The following TRPM2 variants were observed in gnomAD, a reference collection of about 807,000 sequenced individuals.
TRPM2 encodes the protein estrogen-responsive element-associated gene 1 protein.
Under a neutral mutation model 174.0 loss-of-function variants are expected in TRPM2, and 161 were observed. That is an observed-to-expected ratio of 0.93 (90% CI 0.81 to 1.05). The LOEUF (loss-of-function observed/expected upper bound fraction) is 1.05. Among genes scored for constraint, TRPM2 ranks in the 50% least tolerant of loss-of-function variants. The probability of loss-of-function intolerance (pLI) is 0.00; values close to 1 mark genes in which losing one functional copy is unlikely to be tolerated. For missense variants in TRPM2, 2,057 were observed against 2,038.0 expected (o/e 1.01, Z -0.18); for synonymous variants, 954 against 861.3 (o/e 1.11, Z -1.88).
intron 19 of TRPM2, among the ~76,000 whole-genome samples, chr21:44,407,007 G>T (rs2049912178): frequency 1.3e-5 from 2 of 150,260 alleles, no homozygotes; most frequent in African/African-American, 4.9e-5. Flanking sequence ...GCAGAGGTCA[G>T]AGTGGGCCGA....
intron 22 of TRPM2, among the ~76,000 whole-genome samples, chr21:44,421,008 GT>G (rs1419339754): frequency 2.6e-5 from 4 of 152,288 alleles, no homozygotes; most frequent in Admixed American, 2.6e-4. Flanking sequence ...CCTTAAGGGA[GT>G]GGGCTGGACC....
At position 44,386,306 on chromosome 21, in the gene TRPM2, G is replaced by A. The variant is rs143166057; in HGVS notation, c.1318+3486G>A. 8.2e-3 allele frequency among the ~76,000 whole-genome samples: 1,241 copies of A among 152,264 alleles called. 21 individuals are homozygous for A. The highest frequency in any genetic ancestry group is 0.028 in the African/African-American group (1,177 of 41,536). On this transcript the variant is annotated intron_variant, in intron 9 of 31. Coordinates refer to ENST00000397928, the MANE Select transcript of TRPM2 (RefSeq NM_003307.4). ...GCCTGTAGTCCCAGCTACTTGGGAGGCTGAGGCAGGAGAATGGTGTGAACC... is the reference window on the plus strand; with the variant it reads ...GCCTGTAGTCCCAGCTACTTGGGAGACTGAGGCAGGAGAATGGTGTGAACC...
At chr21:44,379,891 G>A (rs979707294) in intron 8 of TRPM2, among the ~76,000 whole-genome samples, 18 of 152,230 alleles carry the variant, frequency 1.2e-4, no homozygotes, top group Non-Finnish European at 2.4e-4. Flanking sequence ...CAGTTTCCCA[G>A]CAAGCCAGGG....
In TRPM2 at chr21:44,439,114, C is replaced by T; in HGVS notation, c.4215C>T (p.Ile1405=). ...TGCTACCTCGGAAGCTGAAGCGGAT[C>T]CTCCGGCAGGAGCACTGGCCGTCTT... ...GEMLPRKLKR[I]LRQEHWPSFE... is the part of the protein sequence containing the mutation. The change falls in exon 30 of 32, where the codon ATC becomes ATT. Residue 1405 remains isoleucine (I), a synonymous_variant. Coordinates refer to ENST00000397928, the MANE Select transcript of TRPM2 (RefSeq NM_003307.4). This position sits in a 1 kb window ranked among gnomAD's most constrained non-coding sequence, Gnocchi z 5.1. 1 of 1,613,810 alleles carries T rather than the reference C, an allele frequency of 6.2e-7. No individual in the cohort carries two copies. Among genetic ancestry groups the T allele is most frequent in the Non-Finnish European group, 8.5e-7 (1 of 1,179,900 alleles).
chr21:44,440,614 G>T (rs1417710317), intron 30 of TRPM2, among the ~76,000 whole-genome samples, 175 bp from the exon 31 acceptor site: 1 of 152,248 alleles, frequency 6.6e-6, no homozygotes, highest in Non-Finnish European at 1.5e-5. Context: ...CCCGCATTGG[G>T]CTGCTCCGCC....
Position 44,397,740 on chromosome 21 carries a change from TC to T in TRPM2, c.1933-3del. On this transcript the variant is annotated splice_polypyrimidine_tract_variant and splice_region_variant and intron_variant, in intron 12 of 31. Coordinates refer to ENST00000397928, the MANE Select transcript of TRPM2 (RefSeq NM_003307.4). Reference sequence around the variant, plus strand: ...TTTAGTCTCACGGTGGCTCCTCTGGTCCCCAGAGCCAGGACTGCATCGCAGC... The same window carrying T: ...TTTAGTCTCACGGTGGCTCCTCTGGTCCCAGAGCCAGGACTGCATCGCAGC... 1.3e-6 allele frequency: 2 copies of T among 1,565,282 alleles called. No homozygotes were observed. The highest frequency in any genetic ancestry group is 8.7e-7 in the Non-Finnish European group (1 of 1,153,804).
chr21:44,400,156 A>G, intron 14 of TRPM2, 103 bp from the exon 15 acceptor site: 1 of 909,932 alleles, frequency 1.1e-6, no homozygotes, highest in Non-Finnish European at 1.7e-6. Flanking sequence ...ACTGCAGGCT[A>G]GCTCTGTCCA....
rs371597846 is a variant in TRPM2, at chr21:44,391,453, T to C, written c.1622T>C (p.Val541Ala). 1.2e-5 allele frequency: 19 copies of C among 1,613,498 alleles called. No individual in the cohort carries two copies. The African/African-American group carries it at 2.3e-4, about 19-fold the overall frequency. Reference protein sequence around the residue: ...LFHSKLQKVLVEDPERPACAP... With the variant: ...LFHSKLQKVLAEDPERPACAP... ...CACAGCAAGCTGCAGAAGGTGCTGG[T>C]GGAGGATCCCGAGCGCCCGGCTTGC... Residue 541 changes from valine to alanine, a missense_variant, in exon 11 of 32, where the codon GTG becomes GCG. Coordinates refer to ENST00000397928, the MANE Select transcript of TRPM2 (RefSeq NM_003307.4). The surrounding 1 kb of genome is among the most constrained non-coding windows in gnomAD (Gnocchi z 5.0).
At chr21:44,360,930 A>G (rs1329445176) in intron 2 of TRPM2, among the ~76,000 whole-genome samples, 1 of 151,694 alleles carries the variant, frequency 6.6e-6, no homozygotes, top group Non-Finnish European at 1.5e-5. Context: ...AGCACTGTCC[A>G]TCTCCACCGA....
chr21:44,426,551 A>C, intron 25 of TRPM2, 109 bp from the exon 26 acceptor site: 1 of 1,102,526 alleles, frequency 9.1e-7, no homozygotes, highest in Non-Finnish European at 1.4e-6. Context: ...GCATGTTGGG[A>C]TGTTGGGGTC....
chr21:44,352,688 G>T (rs2047947019), upstream of TRPM2, among the ~76,000 whole-genome samples: 1 of 152,200 alleles, frequency 6.6e-6, no homozygotes, highest in African/African-American at 2.4e-5. Flanking sequence ...GGCCCCGCAG[G>T]GCTTGAACAT....
chr21:44,428,690 G>A (rs1275459195), intron 27 of TRPM2, among the ~76,000 whole-genome samples: 2 of 25,458 alleles, frequency 7.9e-5, no homozygotes, highest in Non-Finnish European at 2.7e-4. Context: ...TCCCTGAGGT[G>A]TGGCTCCTCC....
intron 15 of TRPM2, 65 bp downstream of exon 15, chr21:44,400,436 G>T: frequency 7.2e-7 from 1 of 1,398,346 alleles, no homozygotes; most frequent in Non-Finnish European, 9.9e-7. Flanking sequence ...GCTCCTGGGG[G>T]CTCAGGATCT....
In TRPM2 at chr21:44,391,417, C is replaced by A; in HGVS notation, c.1586C>A (p.Ser529Tyr). 1 of 1,614,096 alleles carries A rather than the reference C, an allele frequency of 6.2e-7. No individual in the cohort carries two copies. The highest frequency in any genetic ancestry group is 8.5e-7 in the Non-Finnish European group (1 of 1,180,058). Residue 529 changes from serine (S) to tyrosine (Y), a missense_variant, in exon 11 of 32, where the codon TCC (serine) becomes TAC (tyrosine). Transcript: ENST00000397928. The surrounding 1 kb of genome is among the most constrained non-coding windows in gnomAD (Gnocchi z 5.0). ...TACCTGTACGAGAACCTGGACCCCT[C>A]CTGCCTGTTCCACAGCAAGCTGCAG... is the stretch of plus-strand genomic sequence containing the variant. ...LLYLYENLDP[S>Y]CLFHSKLQKV... is the part of the protein sequence containing the mutation.
At chr21:44,362,741 A>C (rs948372255) in intron 2 of TRPM2, among the ~76,000 whole-genome samples, 1 of 151,896 alleles carries the variant, frequency 6.6e-6, no homozygotes, top group Non-Finnish European at 1.5e-5. Flanking sequence ...CCTTCCTTCA[A>C]TTAAGAAGGT....
chr21:44,397,849 G>A lies in TRPM2; in HGVS notation c.2035G>A (p.Ala679Thr), dbSNP rs562278605. 6.2e-7 allele frequency: 1 copy of A among 1,607,658 alleles called. No individual in the cohort carries two copies. Among genetic ancestry groups the A allele is most frequent in the South Asian group, 1.1e-5 (1 of 89,754 alleles). The change falls in exon 13 of 32, where the codon GCG (alanine) becomes ACG (threonine). Residue 679 changes from alanine (A) to threonine (T), a missense_variant. By Grantham distance (58) the Ala-to-Thr change is moderately conservative. Coordinates refer to ENST00000397928, the MANE Select transcript of TRPM2 (RefSeq NM_003307.4). ...TDSSEEMLALAEEYEHRAIGV... is the reference protein window; with the variant it reads ...TDSSEEMLALTEEYEHRAIGV... The stretch of plus-strand genomic sequence containing the variant: ...CAGCTCGGAGGAGATGCTGGCGCTG[G>A]CGGAGGAGTATGAGCACAGAGCCAT...
chr21:44,384,124 AAAAG>A (rs1480996892), intron 9 of TRPM2, among the ~76,000 whole-genome samples: 6 of 152,194 alleles, frequency 3.9e-5, no homozygotes, highest in Non-Finnish European at 7.3e-5. Flanking sequence ...GGACTAAGAA[AAAAG>A]AAAGAAGATT....
chr21:44,421,892 G>A, intron 22 of TRPM2, among the ~76,000 whole-genome samples: 1 of 152,216 alleles, frequency 6.6e-6, no homozygotes. Flanking sequence ...ACTGCAGCCT[G>A]GGTGACAGGG....
At chr21:44,361,935 C>T (rs918601834) in intron 2 of TRPM2, among the ~76,000 whole-genome samples, 2 of 152,196 alleles carry the variant, frequency 1.3e-5, no homozygotes, top group African/African-American at 4.8e-5. Flanking sequence ...TCTCAAGCTC[C>T]TGAGCTCAAG....
Sources: gnomAD v4.1 joint callset for allele counts (sites outside exome capture counted in the v4.1 genomes callset) on GRCh38, gnomAD v4.1.1 for gene constraint, Gnocchi (gnomAD v3.1) non-coding constraint, MANE v1.5 for transcripts, NCBI Gene and HGNC (gene_info 2026-07-23, HGNC 2026-07-21) for gene names.